AXDND1: variants seen among roughly 807,000 people sequenced by gnomAD.
AXDND1 encodes axonemal dynein light chain domain-containing protein 1.
Under a neutral mutation model 137.5 loss-of-function variants are expected in AXDND1, and 110 were observed. That is an observed-to-expected ratio of 0.80 (90% confidence interval 0.69 to 0.94). The LOEUF (loss-of-function observed/expected upper bound fraction) is 0.94. AXDND1 is among the 40% of genes least tolerant of loss of function. The probability of loss-of-function intolerance (pLI) is 0.00; values close to 1 mark genes in which losing one functional copy is unlikely to be tolerated. For missense variants in AXDND1, 1,191 were observed against 1,169.8 expected, an observed-to-expected ratio of 1.02 and a Z score of -0.26; for synonymous variants, 414 against 399.7, an observed-to-expected ratio of 1.04 and a Z score of -0.43.
chr1:179,503,604 G>A (rs2125621772), intron 20 of AXDND1, among the ~76,000 whole-genome samples: 1 of 151,780 alleles, frequency 6.6e-6, no homozygotes, highest in South Asian at 2.1e-4. Context: ...GGCACAATGT[G>A]CAGGTTTGTT....
rs1372970323 is a variant in AXDND1 at position 179,366,560 on chromosome 1, T to G, written c.51T>G (p.Ser17=). 1 of 1,613,852 alleles carries G rather than the reference T, an allele frequency of 6.2e-7. No individual in the cohort carries two copies. Among genetic ancestry groups the G allele is most frequent in the Non-Finnish European group, 8.5e-7 (1 of 1,179,840 alleles). Residue 17 remains serine, a synonymous_variant, in exon 2 of 26, where the codon TCT becomes TCG. Coordinates refer to ENST00000367618, the MANE Select transcript of AXDND1 (RefSeq NM_144696.6). ...CCCCGCTAAACTCTACATCAACATC[T>G]GAGAGCAAAAAGTTAAAAGTGTCTG... ...PSTPLNSTST[S]ESKKLKVSVA...
chr1:179,471,141 T>C (rs1196461832), intron 17 of AXDND1, among the ~76,000 whole-genome samples: 1 of 152,220 alleles, frequency 6.6e-6, no homozygotes, highest in Non-Finnish European at 1.5e-5. Flanking sequence ...CAGGATTCTG[T>C]TTGCTAGTCT....
At chr1:179,427,326 T>G (rs1656725757) in intron 12 of AXDND1, among the ~76,000 whole-genome samples, 1 of 152,160 alleles carries the variant, frequency 6.6e-6, no homozygotes, top group Non-Finnish European at 1.5e-5. Context: ...ATTTTGAAAT[T>G]TACTTTATAC....
intron 17 of AXDND1, 55 bp from the exon 18 acceptor site, chr1:179,483,073 A>T: frequency 8.5e-7 from 1 of 1,182,090 alleles, no homozygotes; most frequent in Non-Finnish European, 1.2e-6. Context: ...GCTGATAGTT[A>T]CATTTATCCT....
intron 17 of AXDND1, among the ~76,000 whole-genome samples, chr1:179,477,245 A>T (rs1474045871): frequency 6.6e-6 from 1 of 152,098 alleles, no homozygotes; most frequent in East Asian, 1.9e-4. Context: ...CAACATTGTT[A>T]TAATACCTTC....
At chr1:179,417,191 CT>C (rs141201555) in intron 12 of AXDND1, among the ~76,000 whole-genome samples, 100 of 143,506 alleles carry the variant, frequency 7.0e-4, no homozygotes, top group Middle Eastern at 3.5e-3. Flanking sequence ...ACTATCTCCT[CT>C]TTTTTTTTTT....
chr1:179,529,738 G>A (rs1572182348), intron 23 of AXDND1, among the ~76,000 whole-genome samples: 1 of 152,150 alleles, frequency 6.6e-6, no homozygotes. Flanking sequence ...GGGAAGCGGC[G>A]GTGACTGCTT....
rs766082313 is a variant in AXDND1 at position 179,456,932 on chromosome 1, T to G, written c.1799-11511T>G. On this transcript the variant is annotated intron_variant, in intron 16 of 25. Coordinates refer to ENST00000367618, the MANE Select transcript of AXDND1 (RefSeq NM_144696.6). ...TCTTGCCACTGCCTCAGTCATGATT[T>G]CAATCACTTCATTTTTTCCATACTG... is the stretch of plus-strand genomic sequence containing the variant. 84 of 1,379,032 alleles carry G rather than the reference T, an allele frequency of 6.1e-5. 1 individual carries two copies. The Middle Eastern group carries it at 9.9e-4, about 16-fold the overall frequency. 85.4% of individuals were successfully genotyped at this position (1,379,032 alleles called of 1,614,324 possible). A position where few individuals can be genotyped will look rare whatever the true frequency, so the allele number is the denominator to read the frequency against.
chr1:179,380,527 A>G (rs1206655127), intron 6 of AXDND1, among the ~76,000 whole-genome samples: 1 of 152,200 alleles, frequency 6.6e-6, no homozygotes, highest in Non-Finnish European at 1.5e-5. Flanking sequence ...CAGACTCATT[A>G]TCTTGTCATC....
chr1:179,455,953 CCAAA>C (rs1330086464), intron 16 of AXDND1: 12 of 173,548 alleles, frequency 6.9e-5, no homozygotes, highest in Non-Finnish European at 1.2e-4. Flanking sequence ...AGCATGGGTG[CCAAA>C]AAAAAAAAAC....
intron 13 of AXDND1, 57 bp from the exon 14 acceptor site, chr1:179,430,395 G>T: frequency 7.7e-7 from 1 of 1,301,356 alleles, no homozygotes; most frequent in South Asian, 1.5e-5. Flanking sequence ...ATATGTTAAT[G>T]ACTATTTGTT....
chr1:179,483,708 G>A (rs373242738), intron 18 of AXDND1, among the ~76,000 whole-genome samples: 21 of 152,226 alleles, frequency 1.4e-4, no homozygotes, highest in African/African-American at 4.6e-4. Context: ...TTATTTTCTA[G>A]AATTTAATTT....
chr1:179,477,422 A>G (rs1389350326), intron 17 of AXDND1, among the ~76,000 whole-genome samples: 1 of 152,090 alleles, frequency 6.6e-6, no homozygotes, highest in Non-Finnish European at 1.5e-5. Context: ...CTCACAAAAA[A>G]TCATGGTGGA....
chr1:179,396,362 A>C (rs974852901), intron 11 of AXDND1, among the ~76,000 whole-genome samples: 1 of 151,634 alleles, frequency 6.6e-6, no homozygotes, highest in Non-Finnish European at 1.5e-5. Context: ...ATATAAAAAA[A>C]TTTGCGGCTG....
chr1:179,479,085 G>C (rs190208288), intron 17 of AXDND1, among the ~76,000 whole-genome samples: 1 of 152,250 alleles, frequency 6.6e-6, no homozygotes, highest in African/African-American at 2.4e-5. Context: ...GGGTGAGACA[G>C]AGAGAGACTC....
At position 179,489,202 on chromosome 1, in the gene AXDND1, A is replaced by C. The variant is rs531138853; in HGVS notation, c.2092-2336A>C. Among the ~76,000 whole-genome samples the C allele has an allele frequency of 2.4e-3, 367 of 152,304 alleles. 2 individuals carry two copies. Among genetic ancestry groups the C allele is most frequent in the African/African-American group, 8.2e-3 (342 of 41,570 alleles). On this transcript the variant is annotated intron_variant, in intron 18 of 25. Coordinates refer to ENST00000367618, the MANE Select transcript of AXDND1 (RefSeq NM_144696.6). ...TCACAGTAAATCTATATTTTAGCAC[A>C]AAAATTATATTCACTTTCCATCTCA...
chr1:179,422,018 C>G, intron 12 of AXDND1, among the ~76,000 whole-genome samples: 1 of 134,750 alleles, frequency 7.4e-6, no homozygotes, highest in East Asian at 2.3e-4. Flanking sequence ...CCAGCCTGGG[C>G]AACAAGAACG....
At chr1:179,550,376 T>C (rs1277154774) in intron 25 of AXDND1, among the ~76,000 whole-genome samples, 1 of 152,126 alleles carries the variant, frequency 6.6e-6, no homozygotes, top group African/African-American at 2.4e-5. Flanking sequence ...ATATTATTAC[T>C]GTTCGAAGAA....
At position 179,534,766 on chromosome 1, in the gene AXDND1, G is replaced by A. The variant is rs545702029; in HGVS notation, c.2835G>A (p.Lys945=). The A allele has an allele frequency of 5.0e-6, 8 of 1,596,580 alleles. No homozygotes were observed. In the Admixed American group the frequency reaches 1.5e-4, roughly 29 times the overall value. ...ATAGAGCCAGACAGGCAGAGGAGAAGTTTGAAGATGCATATGAGAAACTTC... is the reference window on the plus strand; with the variant it reads ...ATAGAGCCAGACAGGCAGAGGAGAAATTTGAAGATGCATATGAGAAACTTC... ...VENRARQAEE[K]FEDAYEKLHH... Residue 945 remains lysine (K), a synonymous_variant, in exon 25 of 26, where the codon AAG becomes AAA. Coordinates refer to ENST00000367618, the MANE Select transcript of AXDND1 (RefSeq NM_144696.6).
Sources: gnomAD v4.1 joint callset for allele counts (sites outside exome capture counted in the v4.1 genomes callset) on GRCh38, gnomAD v4.1.1 for gene constraint, MANE v1.5 for transcripts, NCBI Gene and HGNC (gene_info 2026-07-23, HGNC 2026-07-21) for gene names.